Variants in RTN4IP1 observed in about 807,000 individuals in gnomAD.
RTN4IP1 encodes the protein NAD(P)H oxidoreductase RTN4IP1, mitochondrial.
RTN4IP1 carries 32 observed loss-of-function variants against 46.6 expected under a neutral mutation model. The ratio of observed to expected loss-of-function variants is 0.69; its 90% CI spans 0.52 to 0.92. The LOEUF (loss-of-function observed/expected upper bound fraction) is 0.92, where lower values mean the gene tolerates loss of function less well. Ranked by LOEUF, RTN4IP1 falls within the 40% of genes least tolerant of loss-of-function variation. The pLI is 0.00. For synonymous variants in RTN4IP1, 167 were observed against 161.8 expected (o/e 1.03, Z -0.24); for missense variants, 424 against 485.8 (o/e 0.87, Z 1.20).
chr6:106,616,209 G>A (rs760765981), intron 4 of RTN4IP1, among the ~76,000 whole-genome samples: 1 of 152,146 alleles, frequency 6.6e-6, no homozygotes, highest in Non-Finnish European at 1.5e-5. Flanking sequence ...GAGCCGCCGC[G>A]CCTGGCCTCA....
At chr6:106,589,132 AGAAGAAGAGGAAGAG>A (rs1775557856) in intron 6 of RTN4IP1, among the ~76,000 whole-genome samples, 1 of 99,382 alleles carries the variant, frequency 1.0e-5, no homozygotes, top group African/African-American at 3.9e-5. Context: ...AAGAGGAAGA[AGAAGAAGAGGAAGAG>A]GAAGAGGAAG....
At chr6:106,609,672 AT>A (rs1314852976) in intron 4 of RTN4IP1, among the ~76,000 whole-genome samples, 1 of 152,216 alleles carries the variant, frequency 6.6e-6, no homozygotes, top group Non-Finnish European at 1.5e-5. Flanking sequence ...ATAATTTCTA[AT>A]TCTCTCTCTG....
chr6:106,615,463 A>G (rs1477278139), intron 4 of RTN4IP1, among the ~76,000 whole-genome samples: 2 of 152,176 alleles, frequency 1.3e-5, no homozygotes, highest in South Asian at 2.1e-4. Flanking sequence ...ACACAATTTA[A>G]AAGTGAAATT....
chr6:106,589,234 GGAGGGAGGAGGAGGAGA>G (rs1582866478), intron 6 of RTN4IP1, among the ~76,000 whole-genome samples: 14 of 966 alleles, frequency 0.014, no homozygotes, highest in East Asian at 0.054. Context: ...GGAGGAGGAG[GGAGGGAGGAGGAGGAGA>G]AGGAGGAGGA....
chr6:106,618,846 A>G (rs1297701781), intron 4 of RTN4IP1, among the ~76,000 whole-genome samples: 2 of 151,448 alleles, frequency 1.3e-5, no homozygotes, highest in Admixed American at 1.3e-4. Context: ...TAGAAACTGT[A>G]TGGGATGATT....
At chr6:106,620,249 C>T (rs1207202955) in intron 3 of RTN4IP1, among the ~76,000 whole-genome samples, 2 of 152,038 alleles carry the variant, frequency 1.3e-5, no homozygotes, top group African/African-American at 2.4e-5. Context: ...GGACTACAGG[C>T]GCCCAACACC....
At chr6:106,611,713 C>A (rs1415272225) in intron 4 of RTN4IP1, among the ~76,000 whole-genome samples, 3 of 152,058 alleles carry the variant, frequency 2.0e-5, no homozygotes, top group Non-Finnish European at 2.9e-5. Context: ...CAAAACAAAT[C>A]AATCAAAGGA....
chr6:106,583,893 AT>A (rs201841304), intron 7 of RTN4IP1, among the ~76,000 whole-genome samples: 3 of 151,762 alleles, frequency 2.0e-5, no homozygotes, highest in Non-Finnish European at 2.9e-5. Flanking sequence ...CCCAATCACA[AT>A]TTTTTTTTCT....
intron 5 of RTN4IP1, among the ~76,000 whole-genome samples, chr6:106,594,092 T>C (rs974129206): frequency 4.6e-5 from 7 of 152,326 alleles, no homozygotes; most frequent in East Asian, 1.9e-4. Context: ...GTTTTTCCCC[T>C]CAAATTTCTA....
intron 1 of RTN4IP1, among the ~76,000 whole-genome samples, chr6:106,624,384 C>T (rs1488725542): frequency 1.3e-5 from 2 of 151,432 alleles, no homozygotes; most frequent in African/African-American, 4.9e-5. Flanking sequence ...GAGATGAAGC[C>T]TCACTCTGTT....
intron 5 of RTN4IP1, among the ~76,000 whole-genome samples, chr6:106,601,239 A>G (rs1775940593): frequency 6.6e-6 from 1 of 152,182 alleles, no homozygotes; most frequent in South Asian, 2.1e-4. Flanking sequence ...TGTCAATTCA[A>G]GTTCTTTGCT....
intron 5 of RTN4IP1, among the ~76,000 whole-genome samples, chr6:106,598,158 G>C (rs1311330916): frequency 1.3e-5 from 2 of 152,022 alleles, no homozygotes; most frequent in Non-Finnish European, 2.9e-5. Context: ...ATAAACATAC[G>C]TGTGCATGTG....
At chr6:106,615,617 G>A (rs1398567314) in intron 4 of RTN4IP1, among the ~76,000 whole-genome samples, 7 of 151,066 alleles carry the variant, frequency 4.6e-5, no homozygotes, top group Non-Finnish European at 8.9e-5. Flanking sequence ...TGGGACTACA[G>A]GCACGCAACA....
intron 8 of RTN4IP1, among the ~76,000 whole-genome samples, chr6:106,581,911 T>C (rs1000364966): frequency 3.3e-5 from 5 of 152,154 alleles, no homozygotes; most frequent in African/African-American, 9.7e-5. Context: ...TCTCTAATAA[T>C]AGGGTTCCAA....
intron 1 of RTN4IP1, among the ~76,000 whole-genome samples, chr6:106,625,147 C>G (rs1222135814): frequency 2.6e-5 from 4 of 151,260 alleles, no homozygotes; most frequent in Non-Finnish European, 4.4e-5. Context: ...TCTGCTTGAC[C>G]TTTTTTTGAG....
intron 5 of RTN4IP1, among the ~76,000 whole-genome samples, chr6:106,597,558 G>A (rs563230330): frequency 3.9e-4 from 60 of 152,136 alleles, no homozygotes; most frequent in Non-Finnish European, 7.1e-4. Context: ...TGCCCAGGCT[G>A]GTCCTGAATC....
At chr6:106,630,133 G>T (rs181251974), upstream of RTN4IP1, among the ~76,000 whole-genome samples, 109 of 152,286 alleles carry the variant, frequency 7.2e-4, no homozygotes, top group African/African-American at 2.5e-3. Context: ...TTTTTTCAAA[G>T]AATTCGTTCT....
chr6:106,584,443 G>A (rs1413337455), intron 7 of RTN4IP1, among the ~76,000 whole-genome samples: 2 of 152,198 alleles, frequency 1.3e-5, no homozygotes, highest in Non-Finnish European at 2.9e-5. Flanking sequence ...AGACTTCTTT[G>A]CCATTGAGCT....
intron 7 of RTN4IP1, among the ~76,000 whole-genome samples, chr6:106,584,993 C>A (rs1308207537): frequency 6.6e-6 from 1 of 152,230 alleles, no homozygotes; most frequent in Non-Finnish European, 1.5e-5. Context: ...CTCCCCTTAG[C>A]CCTCAGCATA....
Sources: gnomAD v4.1 joint callset for allele counts (sites outside exome capture counted in the v4.1 genomes callset) on GRCh38, gnomAD v4.1.1 for gene constraint, MANE v1.5 for transcripts, NCBI Gene and HGNC (gene_info 2026-07-23, HGNC 2026-07-21) for gene names.